The following MBD5 variants were observed in gnomAD, a reference collection of about 807,000 sequenced individuals.
The protein encoded by MBD5 is methyl-CpG binding domain protein 5, also known as methyl-CpG-binding domain protein 5.
A neutral mutation model predicts 117.3 loss-of-function variants in MBD5; 13 were observed. That is an observed-to-expected ratio of 0.11 (90% confidence interval 0.07 to 0.18). The LOEUF (loss-of-function observed/expected upper bound fraction) is 0.18. Among genes scored for constraint, MBD5 ranks in the 10% least tolerant of loss-of-function variants. MBD5 has a pLI of 1.00. For synonymous variants in MBD5, 727 were observed against 766.4 expected (o/e 0.95, Z 0.85); for missense variants, 1,879 against 2,093.8 (o/e 0.90, Z 2.00).
At chr2:148,308,298 A>C (rs1327022668) in intron 3 of MBD5, among the ~76,000 whole-genome samples, 2 of 152,116 alleles carry the variant, frequency 1.3e-5, no homozygotes. Flanking sequence ...CCTCTGCAGC[A>C]TCCGTTGTTT....
intron 4 of MBD5, among the ~76,000 whole-genome samples, chr2:148,427,911 A>G (rs1053061569): frequency 8.5e-5 from 13 of 152,176 alleles, no homozygotes; most frequent in Non-Finnish European, 1.6e-4. Flanking sequence ...AAAAACTGGA[A>G]GCATTCCCTT....
At chr2:148,199,467 T>C (rs1699079748) in intron 2 of MBD5, among the ~76,000 whole-genome samples, 1 of 152,148 alleles carries the variant, frequency 6.6e-6, no homozygotes, top group South Asian at 2.1e-4. Context: ...AATAAACTAA[T>C]ATGTTGAAAG....
intron 2 of MBD5, among the ~76,000 whole-genome samples, chr2:148,226,044 T>G (rs1699809153): frequency 6.6e-6 from 1 of 152,118 alleles, no homozygotes; most frequent in Non-Finnish European, 1.5e-5. Flanking sequence ...ACTTTCTGCC[T>G]CTATCTCTTT....
chr2:148,340,103 C>G (rs549545932), intron 3 of MBD5, among the ~76,000 whole-genome samples: 2 of 152,260 alleles, frequency 1.3e-5, no homozygotes, highest in African/African-American at 4.8e-5. Context: ...TGCCTAAAAA[C>G]TCTTTAAAAT....
In MBD5 at chr2:148,468,951, A is replaced by G. The variant is rs1451243161; in HGVS notation, c.1008A>G (p.Pro336=). 2.4e-5 allele frequency: 39 copies of G among 1,603,196 alleles called. No homozygotes were observed. Among genetic ancestry groups the G allele is most frequent in the East Asian group, 4.5e-5 (2 of 44,484 alleles). The stretch of plus-strand genomic sequence containing the variant: ...TCCACCACAAACCACCCCAAGGCCC[A>G]CCTCCCCCTCCTCCACCTTCTTGTG... ...AMFHHKPPQG[P]PPPPPPSCAL... The change falls in exon 8 of 14, where the codon CCA becomes CCG. Residue 336 remains proline, a synonymous_variant. Coordinates refer to ENST00000642680, the MANE Select transcript of MBD5 (RefSeq NM_001378120.1).
At chr2:148,509,747 C>T (rs1229825224) in intron 12 of MBD5, among the ~76,000 whole-genome samples, 1 of 152,224 alleles carries the variant, frequency 6.6e-6, no homozygotes, top group East Asian at 1.9e-4. Flanking sequence ...TGAGGGGCGT[C>T]TCTGGGAGAG....
chr2:148,264,850 A>C (rs1287549990), intron 3 of MBD5: 1 of 152,222 alleles, frequency 6.6e-6, no homozygotes, highest in Non-Finnish European at 1.5e-5. Flanking sequence ...TGCAGCTTCC[A>C]TGAGTAACCT....
intron 1 of MBD5, among the ~76,000 whole-genome samples, chr2:148,159,839 C>G (rs994950972): frequency 6.6e-6 from 1 of 152,118 alleles, no homozygotes; most frequent in Admixed American, 6.6e-5. Flanking sequence ...TAAAAGAAAG[C>G]TGAAGTACAA....
At chr2:148,283,575 A>G (rs1199183920) in intron 3 of MBD5, among the ~76,000 whole-genome samples, 1 of 152,194 alleles carries the variant, frequency 6.6e-6, no homozygotes, top group East Asian at 1.9e-4. Flanking sequence ...ATTATTACAT[A>G]CCTGTAGTGG....
At position 148,483,233 on chromosome 2, in the gene MBD5, G is replaced by A. The variant is rs1559094826; in HGVS notation, c.2642G>A (p.Ser881Asn). The change falls in exon 9 of 14, where the codon AGT (serine) becomes AAT (asparagine). Residue 881 changes from serine (S) to asparagine (N), a missense_variant. Ser to Asn is a conservative substitution (Grantham distance 46). This residue lies in a region of MBD5 where 1,666 missense variants were observed against 1,792.2 expected (regional missense o/e 0.93). Coordinates refer to ENST00000642680, the MANE Select transcript of MBD5 (RefSeq NM_001378120.1). ...VTTAAGNPLQ[S>N]QLPIGSDFPF... ...ACTGCAGCTGGAAACCCACTGCAGA[G>A]TCAGCTACCCATTGGGAGTGATTTT... 1.9e-6 allele frequency: 3 copies of A among 1,613,918 alleles called. No individual in the cohort carries two copies. Among genetic ancestry groups the A allele is most frequent in the South Asian group, 2.2e-5 (2 of 91,068 alleles).
intron 3 of MBD5, among the ~76,000 whole-genome samples, chr2:148,277,072 G>A (rs1347966252): frequency 2.0e-5 from 3 of 152,124 alleles, no homozygotes; most frequent in African/African-American, 7.2e-5. Flanking sequence ...GCAATTTTCA[G>A]TTGTCCACAG....
intron 1 of MBD5, among the ~76,000 whole-genome samples, chr2:148,058,303 C>A (rs950117420): frequency 2.0e-5 from 3 of 151,996 alleles, no homozygotes; most frequent in Non-Finnish European, 4.4e-5. Flanking sequence ...GATAGTGAAT[C>A]CAGTACTGAA....
chr2:148,447,182 AG>A (rs1706572578), intron 4 of MBD5, among the ~76,000 whole-genome samples: 1 of 7,442 alleles, frequency 1.3e-4, no homozygotes, highest in South Asian at 0.062. Context: ...GAAGAAGGAA[AG>A]AAAGAAAGAA....
intron 1 of MBD5, among the ~76,000 whole-genome samples, chr2:148,074,595 C>T (rs6714672): frequency 0.42 from 62,306 of 149,024 alleles, 13,163 homozygotes; most frequent in Middle Eastern, 0.56. Flanking sequence ...CTGCCCTCCC[C>T]GGGTTCAAGC....
chr2:148,371,199 C>T (rs1221964643), intron 4 of MBD5, among the ~76,000 whole-genome samples: 2 of 152,032 alleles, frequency 1.3e-5, no homozygotes, highest in Admixed American at 1.3e-4. Context: ...CTGAATAAAA[C>T]ATGTTAATAC....
At chr2:148,084,209 T>C (rs1260598528) in intron 1 of MBD5, among the ~76,000 whole-genome samples, 2 of 152,208 alleles carry the variant, frequency 1.3e-5, no homozygotes, top group Non-Finnish European at 2.9e-5. Context: ...CACTTAGCCT[T>C]TTCCATGCTT....
chr2:148,040,503 A>G (rs1191546847), intron 1 of MBD5, among the ~76,000 whole-genome samples: 1 of 152,212 alleles, frequency 6.6e-6, no homozygotes, highest in Non-Finnish European at 1.5e-5. Context: ...AAATAAAACT[A>G]AGTTACTTTG....
intron 3 of MBD5, among the ~76,000 whole-genome samples, chr2:148,251,840 G>T (rs896299530): frequency 6.6e-6 from 1 of 152,182 alleles, no homozygotes. Flanking sequence ...GAGAGGGAAA[G>T]AAGTAATCTT....
At chr2:148,250,254 T>C (rs1328728899) in intron 3 of MBD5, among the ~76,000 whole-genome samples, 1 of 152,134 alleles carries the variant, frequency 6.6e-6, no homozygotes, top group East Asian at 1.9e-4. Context: ...AAGTGGGCAC[T>C]AAATGATGAG....
Sources: gnomAD v4.1 joint callset for allele counts (sites outside exome capture counted in the v4.1 genomes callset) on GRCh38, gnomAD v4.1.1 for gene constraint, gnomAD v4.1.1 regional missense constraint, MANE v1.5 for transcripts, NCBI Gene and HGNC (gene_info 2026-07-23, HGNC 2026-07-21) for gene names.